IGF2BP2: variants seen among roughly 807,000 people sequenced by gnomAD.
IGF2BP2 encodes insulin like growth factor 2 mRNA binding protein 2.
Under a neutral mutation model 75.8 loss-of-function variants are expected in IGF2BP2, and 17 were observed. That is an observed-to-expected ratio of 0.22 (90% confidence interval 0.15 to 0.34). The LOEUF is 0.34. Among genes scored for constraint, IGF2BP2 ranks in the 10% least tolerant of loss-of-function variants. IGF2BP2 has a pLI of 1.00. For synonymous variants in IGF2BP2, 288 were observed against 295.6 expected (o/e 0.97, Z 0.26); for missense variants, 516 against 772.4 (o/e 0.67, Z 3.93).
intron 2 of IGF2BP2, among the ~76,000 whole-genome samples, chr3:185,779,505 C>T (rs11706322): frequency 0.3 from 45,915 of 152,022 alleles, 7,464 homozygotes; most frequent in African/African-American, 0.43. Flanking sequence ...TGAGTTAATA[C>T]ATGGGCACAC....
intron 2 of IGF2BP2, among the ~76,000 whole-genome samples, chr3:185,742,186 T>A (rs1193220915): frequency 2.2e-5 from 3 of 135,700 alleles, no homozygotes; most frequent in African/African-American, 2.7e-5. Context: ...GCCCACCTCT[T>A]AAAAAAAAAA....
intron 2 of IGF2BP2, among the ~76,000 whole-genome samples, chr3:185,805,342 A>G (rs907923893): frequency 6.6e-6 from 1 of 152,178 alleles, no homozygotes; most frequent in Non-Finnish European, 1.5e-5. Context: ...GAGACCTATG[A>G]GGCTTTCTCA....
At chr3:185,753,978 T>TG (rs1338106120) in intron 2 of IGF2BP2, among the ~76,000 whole-genome samples, 6 of 151,908 alleles carry the variant, frequency 3.9e-5, no homozygotes, top group African/African-American at 1.2e-4. Context: ...CTGAGACAGA[T>TG]GGATCACTTG....
chr3:185,686,911 G>A, intron 7 of IGF2BP2, 146 bp downstream of exon 7: 2 of 836,434 alleles, frequency 2.4e-6, no homozygotes, highest in East Asian at 2.6e-5. Context: ...ATTCTACTTG[G>A]GAACAAATTT....
At chr3:185,649,010 C>T (rs1178811078) in intron 14 of IGF2BP2, among the ~76,000 whole-genome samples, 1 of 151,938 alleles carries the variant, frequency 6.6e-6, no homozygotes, top group African/African-American at 2.4e-5. Context: ...GCATCTCTCT[C>T]GGTGGGAATC....
chr3:185,705,445 C>G (rs1039758218), intron 2 of IGF2BP2, among the ~76,000 whole-genome samples: 1 of 152,160 alleles, frequency 6.6e-6, no homozygotes, highest in Non-Finnish European at 1.5e-5. Flanking sequence ...CCAGTAACTT[C>G]CCTGGCTCTA....
intron 2 of IGF2BP2, among the ~76,000 whole-genome samples, chr3:185,807,850 C>G (rs1218108771): frequency 6.6e-6 from 1 of 152,240 alleles, no homozygotes; most frequent in African/African-American, 2.4e-5. Context: ...CTTCCAGCCC[C>G]AGCTGAGCCA....
chr3:185,666,381 C>G (rs79526175), intron 10 of IGF2BP2, among the ~76,000 whole-genome samples: 18 of 152,212 alleles, frequency 1.2e-4, no homozygotes, highest in African/African-American at 4.1e-4. Context: ...CGCCTATAAT[C>G]CCAGCACTTT....
rs576255250 is a variant in IGF2BP2, at chr3:185,788,894, TAG to T, written c.239+34257_239+34258del. Reference sequence around the variant, plus strand: ...ACCCAGCTAATTTTGGTATTTTTAGTAGAGACAGGGTGTTCACCATGTTGCCC... The same window carrying T: ...ACCCAGCTAATTTTGGTATTTTTAGTAGACAGGGTGTTCACCATGTTGCCC... On this transcript the variant is annotated intron_variant, in intron 2 of 15. Coordinates refer to ENST00000382199, the MANE Select transcript of IGF2BP2 (RefSeq NM_006548.6). Among the ~76,000 whole-genome samples the T allele has an allele frequency of 1.5e-3, 223 of 151,996 alleles. 2 individuals carry two copies. Among genetic ancestry groups the T allele is most frequent in the Middle Eastern group, 3.4e-3 (1 of 292 alleles).
intron 7 of IGF2BP2, 123 bp downstream of exon 7, chr3:185,686,934 C>G (rs1721218747): frequency 2.8e-6 from 3 of 1,066,382 alleles, no homozygotes; most frequent in Non-Finnish European, 4.1e-6. Flanking sequence ...TAAACACAAT[C>G]CCTCCCTGCC....
intron 2 of IGF2BP2, among the ~76,000 whole-genome samples, chr3:185,714,622 A>G (rs776309311): frequency 2.6e-5 from 4 of 152,206 alleles, no homozygotes; most frequent in Non-Finnish European, 5.9e-5. Flanking sequence ...TTGCATTTTA[A>G]TTACAAATGA....
intron 2 of IGF2BP2, among the ~76,000 whole-genome samples, chr3:185,741,787 C>G (rs963481823): frequency 3.3e-4 from 50 of 152,202 alleles, no homozygotes; most frequent in African/African-American, 1.2e-3. Flanking sequence ...AGATGCAGAG[C>G]AAGCACGAGG....
rs1000883004 is a variant in IGF2BP2, at chr3:185,679,417, TTA to T, written c.813-3506_813-3505del. On this transcript the variant is annotated intron_variant, in intron 7 of 15. Coordinates refer to ENST00000382199, the MANE Select transcript of IGF2BP2 (RefSeq NM_006548.6). ...CCCCAAATATCACAAATTAACATCT[TTA>T]TATGTTTTTATACCCATTAACATAG... Among the ~76,000 whole-genome samples, 376 of 152,280 alleles carry T rather than the reference TTA, an allele frequency of 2.5e-3. 2 individuals carry two copies. Among genetic ancestry groups the T allele is most frequent in the African/African-American group, 8.7e-3 (363 of 41,560 alleles).
chr3:185,649,907 A>G (rs1047660097), intron 13 of IGF2BP2, among the ~76,000 whole-genome samples: 1 of 152,162 alleles, frequency 6.6e-6, no homozygotes, highest in Non-Finnish European at 1.5e-5. Context: ...TGTTCAGGGG[A>G]TTCTTATCCC....
At chr3:185,772,126 C>T (rs1040530813) in intron 2 of IGF2BP2, among the ~76,000 whole-genome samples, 1 of 152,154 alleles carries the variant, frequency 6.6e-6, no homozygotes, top group African/African-American at 2.4e-5. Context: ...CTTGTCCACA[C>T]TAAATTGTTT....
chr3:185,769,971 A>C (rs890930491), intron 2 of IGF2BP2, among the ~76,000 whole-genome samples: 2 of 152,192 alleles, frequency 1.3e-5, no homozygotes, highest in African/African-American at 4.8e-5. Flanking sequence ...TCTCTAAAGA[A>C]GTGCCAACTG....
At chr3:185,822,181 T>C (rs1741455424) in intron 2 of IGF2BP2, among the ~76,000 whole-genome samples, 1 of 152,194 alleles carries the variant, frequency 6.6e-6, no homozygotes, top group Non-Finnish European at 1.5e-5. Flanking sequence ...TGTTTTAAAA[T>C]CTACTCAATC....
At chr3:185,715,059 A>C (rs1725380141) in intron 2 of IGF2BP2, among the ~76,000 whole-genome samples, 1 of 152,204 alleles carries the variant, frequency 6.6e-6, no homozygotes, top group African/African-American at 2.4e-5. Context: ...AGGGTGCCTG[A>C]GGGGCAAGAC....
At chr3:185,659,155 GCTGC>G (rs1715975308) in intron 10 of IGF2BP2, among the ~76,000 whole-genome samples, 1 of 152,056 alleles carries the variant, frequency 6.6e-6, no homozygotes, top group Admixed American at 6.6e-5. Flanking sequence ...GGAATTTGAG[GCTGC>G]AGTGAGCTAT....
Sources: allele counts gnomAD v4.1 joint callset (sites outside exome capture counted in the v4.1 genomes callset), GRCh38; gene constraint gnomAD v4.1.1; transcripts MANE v1.5; gene names NCBI Gene and HGNC (gene_info 2026-07-23, HGNC 2026-07-21).